The following NCALD variants were observed in gnomAD, a reference collection of about 807,000 sequenced individuals.
The protein encoded by NCALD is neurocalcin-delta.
A neutral mutation model predicts 18.6 loss-of-function variants in NCALD; 10 were observed. The observed-to-expected ratio is 0.54, with a 90% CI of 0.33 to 0.91. NCALD has a LOEUF of 0.91. Ranked by LOEUF, NCALD falls within the 40% of genes least tolerant of loss-of-function variation. The probability of loss-of-function intolerance (pLI) is 0.03; values close to 1 mark genes in which losing one functional copy is unlikely to be tolerated. For synonymous variants in NCALD, 88 were observed against 87.4 expected, an observed-to-expected ratio of 1.01 and a Z score of -0.04; for missense variants, 184 against 247.6, an observed-to-expected ratio of 0.74 and a Z score of 1.72.
rs556965673 is a variant in NCALD at position 101,744,788 on chromosome 8, A to G, written c.-19-25140T>C. Among the ~76,000 whole-genome samples, 11 of 152,250 alleles carry G rather than the reference A, an allele frequency of 7.2e-5. No homozygotes were observed. The South Asian group carries it at 2.1e-3, about 29-fold the overall frequency. ...ACAGAGAAAATGACACTATGTATGC[A>G]GTACTCTGGTAAGTGGATGAGAATG... On this transcript the variant is annotated intron_variant, in intron 1 of 3. Transcript: ENST00000220931.
chr8:101,934,848 A>G (rs1427185530), intron 2 of NCALD, among the ~76,000 whole-genome samples: 1 of 152,200 alleles, frequency 6.6e-6, no homozygotes, highest in African/African-American at 2.4e-5. Flanking sequence ...ACTAAAAAGA[A>G]GAGATAAGAT....
intron 1 of NCALD, among the ~76,000 whole-genome samples, chr8:101,787,817 C>A (rs148256756): frequency 6.6e-6 from 1 of 152,176 alleles, no homozygotes; most frequent in Non-Finnish European, 1.5e-5. Context: ...CTGGAATTAA[C>A]ATGACAATTG....
At chr8:101,929,455 G>A (rs1384175612) in intron 2 of NCALD, among the ~76,000 whole-genome samples, 3 of 51,858 alleles carry the variant, frequency 5.8e-5, no homozygotes, top group African/African-American at 2.0e-4. Flanking sequence ...GGGAGGGAGG[G>A]AGGAAGGAAG....
intron 2 of NCALD, among the ~76,000 whole-genome samples, chr8:101,963,180 T>A (rs1047355661): frequency 6.6e-6 from 1 of 152,190 alleles, no homozygotes; most frequent in Non-Finnish European, 1.5e-5. Context: ...AGGAAACCTC[T>A]TTTCAAGTCA....
intron 1 of NCALD, among the ~76,000 whole-genome samples, chr8:101,752,608 T>C (rs540055199): frequency 1.3e-5 from 2 of 152,320 alleles, no homozygotes; most frequent in South Asian, 2.1e-4. Context: ...TGCTCTTTCA[T>C]CCCCAAATTG....
intron 4 of NCALD, among the ~76,000 whole-genome samples, chr8:101,817,191 C>T (rs1469829525): frequency 6.6e-6 from 1 of 152,058 alleles, no homozygotes. Context: ...GAATAGAAGC[C>T]CCTGTTCTTC....
chr8:101,886,385 TA>T (rs1177286795), intron 4 of NCALD, among the ~76,000 whole-genome samples: 2 of 152,210 alleles, frequency 1.3e-5, no homozygotes, highest in African/African-American at 4.8e-5. Flanking sequence ...TTTGACCAAG[TA>T]AATATCAGAT....
chr8:101,920,848 G>A (rs1717315801), intron 2 of NCALD, among the ~76,000 whole-genome samples: 2 of 152,134 alleles, frequency 1.3e-5, no homozygotes, highest in Non-Finnish European at 2.9e-5. Context: ...CCAGGTAACA[G>A]ACCTGCACAT....
At chr8:101,979,583 A>G (rs1346107369) in intron 2 of NCALD, among the ~76,000 whole-genome samples, 2 of 152,222 alleles carry the variant, frequency 1.3e-5, no homozygotes, top group African/African-American at 4.8e-5. Flanking sequence ...CATGCTACTC[A>G]CTTTAAAATA....
intron 2 of NCALD, among the ~76,000 whole-genome samples, chr8:101,998,937 CT>C (rs1261555339): frequency 1.3e-5 from 2 of 152,104 alleles, no homozygotes; most frequent in Non-Finnish European, 2.9e-5. Flanking sequence ...CTAGCCTTCT[CT>C]TTTAGCAAAC....
intron 4 of NCALD, among the ~76,000 whole-genome samples, chr8:101,817,626 C>T (rs1813551440): frequency 2.6e-5 from 4 of 151,720 alleles, no homozygotes; most frequent in Admixed American, 2.6e-4. Flanking sequence ...TACTGTCCAG[C>T]TGCCAAGAAG....
At chr8:101,919,395 AT>A (rs1818084148) in intron 2 of NCALD, among the ~76,000 whole-genome samples, 1 of 152,206 alleles carries the variant, frequency 6.6e-6, no homozygotes, top group Non-Finnish European at 1.5e-5. Flanking sequence ...TGGATTAAAG[AT>A]TTAGATGTAA....
rs114087857 is a variant in NCALD at position 101,978,824 on chromosome 8, C to T, written c.-157+41413G>A. ...GGAGAGGGAGGAAGAAAGCAAGAAA[C>T]GAAGAAAGGAAGGCAGGCAAGCTCT... On this transcript the variant is annotated intron_variant, in intron 2 of 6. Transcript: ENST00000311028. 5.9e-3 allele frequency among the ~76,000 whole-genome samples: 901 copies of T among 152,114 alleles called. 5 individuals carry two copies. The highest frequency in any genetic ancestry group is 0.021 in the African/African-American group (866 of 41,504).
chr8:101,798,830 T>C (rs752279543), intron 4 of NCALD, among the ~76,000 whole-genome samples: 1 of 152,224 alleles, frequency 6.6e-6, no homozygotes, highest in African/African-American at 2.4e-5. Context: ...TGGAACAGAA[T>C]GGAGAACCCA....
chr8:102,100,065 A>G (rs1825228276), intron 1 of NCALD, among the ~76,000 whole-genome samples: 1 of 152,074 alleles, frequency 6.6e-6, no homozygotes, highest in Non-Finnish European at 1.5e-5. Flanking sequence ...TGTCCTTTCC[A>G]TTTAATACTC....
At chr8:101,969,997 A>C (rs1339869626) in intron 2 of NCALD, among the ~76,000 whole-genome samples, 1 of 152,206 alleles carries the variant, frequency 6.6e-6, no homozygotes, top group Non-Finnish European at 1.5e-5. Flanking sequence ...ATTTAGGTAC[A>C]ACCCTCAAAG....
intron 1 of NCALD, among the ~76,000 whole-genome samples, chr8:101,726,932 G>C (rs1228788432): frequency 6.6e-6 from 1 of 152,188 alleles, no homozygotes; most frequent in South Asian, 2.1e-4. Context: ...ATGGCATTTA[G>C]GCTCTGGGAG....
chr8:101,869,729 C>G (rs1815927848), intron 4 of NCALD, among the ~76,000 whole-genome samples: 1 of 152,142 alleles, frequency 6.6e-6, no homozygotes, highest in Non-Finnish European at 1.5e-5. Flanking sequence ...AAACCAAAGT[C>G]TACACATGTA....
chr8:102,058,766 C>CA (rs1329159800), intron 1 of NCALD, among the ~76,000 whole-genome samples: 2 of 151,844 alleles, frequency 1.3e-5, no homozygotes, highest in Non-Finnish European at 2.9e-5. Context: ...CTCCACATGG[C>CA]AAAAAAGGAC....
Sources: gnomAD v4.1 joint callset for allele counts (sites outside exome capture counted in the v4.1 genomes callset) on GRCh38, gnomAD v4.1.1 for gene constraint, MANE v1.5 for transcripts, NCBI Gene and HGNC (gene_info 2026-07-23, HGNC 2026-07-21) for gene names.